PRSS12: variants seen among roughly 807,000 people sequenced by gnomAD.
PRSS12 encodes serine protease 12, also known as neurotrypsin.
PRSS12 carries 85 observed loss-of-function variants against 104.4 expected under a neutral mutation model. The observed-to-expected ratio is 0.81, with a 90% CI of 0.68 to 0.98. The LOEUF is 0.98. Ranked by LOEUF, PRSS12 falls within the 50% of genes least tolerant of loss-of-function variation. The probability of loss-of-function intolerance (pLI) is 0.00; values close to 1 mark genes in which losing one functional copy is unlikely to be tolerated. For synonymous variants in PRSS12, 454 were observed against 425.2 expected, an observed-to-expected ratio of 1.07 and a Z score of -0.83; for missense variants, 1,141 against 1,139.2, an observed-to-expected ratio of 1.00 and a Z score of -0.02.
chr4:118,318,557 C>T lies in PRSS12; in HGVS notation c.972-1G>A, dbSNP rs760381078. ...CTGATGCCATGCTTTGGCAATGCCACTGAACAAATAAAAGAATGTAAGGAT... is the reference window on the plus strand; with the variant it reads ...CTGATGCCATGCTTTGGCAATGCCATTGAACAAATAAAAGAATGTAAGGAT... On this transcript the variant is annotated splice_acceptor_variant, in intron 4 of 12. Transcript: ENST00000296498. LOFTEE classifies it high-confidence loss of function. 6 of 1,613,656 alleles carry T rather than the reference C, an allele frequency of 3.7e-6. No individual in the cohort carries two copies. Among genetic ancestry groups the T allele is most frequent in the African/African-American group, 1.3e-5 (1 of 75,026 alleles).
intron 4 of PRSS12, among the ~76,000 whole-genome samples, chr4:118,323,184 G>A (rs1198121448): frequency 6.6e-6 from 1 of 152,032 alleles, no homozygotes; most frequent in Non-Finnish European, 1.5e-5. Flanking sequence ...AGAGAACACT[G>A]AGAGTTGAAG....
At chr4:118,297,928 AG>A (rs1249499459) in intron 9 of PRSS12, among the ~76,000 whole-genome samples, 1 of 152,150 alleles carries the variant, frequency 6.6e-6, no homozygotes, top group Non-Finnish European at 1.5e-5. Context: ...ATCTGAGGTC[AG>A]GAGTTCTAGA....
chr4:118,308,691 G>T (rs2126032260), intron 7 of PRSS12, 114 bp from the exon 8 acceptor site: 1 of 1,413,506 alleles, frequency 7.1e-7, no homozygotes, highest in South Asian at 1.2e-5. Flanking sequence ...AATCAGATGG[G>T]AAATACTTTT....
At chr4:118,311,998 G>C (rs1311222192) in intron 7 of PRSS12, among the ~76,000 whole-genome samples, 1 of 152,028 alleles carries the variant, frequency 6.6e-6, no homozygotes. Context: ...ATCCTGGGAG[G>C]ATCACAAATC....
intron 9 of PRSS12, among the ~76,000 whole-genome samples, chr4:118,297,059 T>G (rs921714772): frequency 2.6e-5 from 4 of 152,160 alleles, no homozygotes; most frequent in South Asian, 2.1e-4. Context: ...TATTTAAAAT[T>G]TTTTAAAAGA....
At chr4:118,295,671 T>C in intron 10 of PRSS12, 107 bp downstream of exon 10, 1 of 1,054,032 alleles carries the variant, frequency 9.5e-7, no homozygotes, top group Non-Finnish European at 1.5e-6. Context: ...GTTTAGAAAA[T>C]AAAATGAGTA....
At chr4:118,309,388 T>C (rs1490652334) in intron 7 of PRSS12, among the ~76,000 whole-genome samples, 1 of 152,052 alleles carries the variant, frequency 6.6e-6, no homozygotes. Context: ...TCCCATAAAA[T>C]TGAGAAATTT....
chr4:118,328,702 T>C (rs1163609450), intron 4 of PRSS12, among the ~76,000 whole-genome samples: 2 of 152,138 alleles, frequency 1.3e-5, no homozygotes, highest in Non-Finnish European at 2.9e-5. Context: ...TGGCTCATAG[T>C]AGCCTCAACC....
intron 10 of PRSS12, 31 bp from the exon 11 acceptor site, chr4:118,295,092 C>T: frequency 6.2e-7 from 1 of 1,611,530 alleles, no homozygotes; most frequent in Non-Finnish European, 8.5e-7. Context: ...ACATCAACGT[C>T]AGTAAAAGGC....
At chr4:118,350,435 G>A (rs1305903038) in intron 1 of PRSS12, among the ~76,000 whole-genome samples, 1 of 152,230 alleles carries the variant, frequency 6.6e-6, no homozygotes, top group East Asian at 1.9e-4. Flanking sequence ...GTAAATGATA[G>A]AATGAGATTG....
intron 4 of PRSS12, among the ~76,000 whole-genome samples, chr4:118,330,515 A>T (rs1250640539): frequency 6.6e-6 from 1 of 152,162 alleles, no homozygotes; most frequent in African/African-American, 2.4e-5. Context: ...ACCAAAAAAA[A>T]ACAGCAACAA....
chr4:118,323,032 T>C (rs751629516), intron 4 of PRSS12, among the ~76,000 whole-genome samples: 2 of 152,126 alleles, frequency 1.3e-5, no homozygotes, highest in Non-Finnish European at 2.9e-5. Flanking sequence ...TCCTAAGTTA[T>C]TGTCTATGGC....
At chr4:118,296,448 C>G (rs961486799) in intron 9 of PRSS12, among the ~76,000 whole-genome samples, 2 of 151,806 alleles carry the variant, frequency 1.3e-5, no homozygotes, top group African/African-American at 4.8e-5. Flanking sequence ...CTGTCAAGAA[C>G]ATACAAAAAA....
chr4:118,328,412 T>C (rs1723834931), intron 4 of PRSS12, among the ~76,000 whole-genome samples: 1 of 152,214 alleles, frequency 6.6e-6, no homozygotes, highest in Non-Finnish European at 1.5e-5. Context: ...AAGGCGTTAA[T>C]ACTTTACTTA....
chr4:118,288,511 T>C (rs1210513346), intron 11 of PRSS12, among the ~76,000 whole-genome samples: 1 of 152,192 alleles, frequency 6.6e-6, no homozygotes, highest in Non-Finnish European at 1.5e-5. Flanking sequence ...CCAGCTACTA[T>C]TGCATTTCTA....
Position 118,331,781 on chromosome 4 carries a change from TC to T in PRSS12, c.905del (p.Gly302GlufsTer15), listed in dbSNP as rs758136760. 40 of 1,612,796 alleles carry T rather than the reference TC, an allele frequency of 2.5e-5. No individual in the cohort carries two copies. In the East Asian group the frequency reaches 6.3e-4, roughly 25 times the overall value. The stretch of plus-strand genomic sequence containing the variant: ...CATCCCATTGGTCATCACAAACGGT[TC>T]CCCACTGGCCAGCATGGTAGAGCTC... ...RVELYHAGQW[G>X]TVCDDQWDDA... On this transcript the variant is annotated frameshift_variant, in exon 4 of 13. Transcript: ENST00000296498. LOFTEE classifies it high-confidence loss of function.
Position 118,295,005 on chromosome 4 carries a change from C to G in PRSS12, c.1973G>C (p.Arg658Thr). The change falls in exon 11 of 13, where the codon AGG (arginine) becomes ACG (threonine). Residue 658 changes from arginine to threonine, a missense_variant. Physicochemically the swap from Arg to Thr is moderately conservative, Grantham distance 71. Coordinates refer to ENST00000296498, the MANE Select transcript of PRSS12 (RefSeq NM_003619.4). ...CAGGAGCGTAGCCCCGCAGAGGAGC[C>G]TGCCATCTCCATGGGATGACTTCAG... Reference protein sequence around the residue: ...LRLKSSHGDGRLLCGATLLSS... With the variant: ...LRLKSSHGDGTLLCGATLLSS... The G allele has an allele frequency of 6.2e-7, 1 of 1,614,142 alleles. No individual in the cohort carries two copies.
intron 1 of PRSS12, among the ~76,000 whole-genome samples, chr4:118,345,051 C>T (rs1271844767): frequency 2.0e-5 from 3 of 152,106 alleles, no homozygotes; most frequent in Admixed American, 6.5e-5. Context: ...GACACCTCAC[C>T]CAGAAAATGG....
intron 11 of PRSS12, among the ~76,000 whole-genome samples, chr4:118,284,496 C>G (rs752456005): frequency 6.6e-6 from 1 of 152,140 alleles, no homozygotes; most frequent in African/African-American, 2.4e-5. Flanking sequence ...TATTCTCCAC[C>G]TCATCTCAGC....
Sources: allele counts gnomAD v4.1 joint callset (sites outside exome capture counted in the v4.1 genomes callset), GRCh38; gene constraint gnomAD v4.1.1; transcripts MANE v1.5; gene names NCBI Gene and HGNC (gene_info 2026-07-23, HGNC 2026-07-21).